Variants in AHNAK observed in about 807,000 individuals in gnomAD.
The protein encoded by AHNAK is AHNAK nucleoprotein.
In AHNAK, 23 loss-of-function variants were observed where a neutral mutation model predicts 37.8. The ratio of observed to expected loss-of-function variants is 0.61; its 90% CI spans 0.44 to 0.86. The LOEUF (loss-of-function observed/expected upper bound fraction) is 0.86. Among genes scored for constraint, AHNAK ranks in the 40% least tolerant of loss-of-function variants. AHNAK has a pLI of 0.00. For synonymous variants in AHNAK, 2,481 were observed against 2,636.3 expected, an observed-to-expected ratio of 0.94 and a Z score of 1.80; for missense variants, 7,411 against 7,319.4, an observed-to-expected ratio of 1.01 and a Z score of -0.46.
chr11:62,441,885 G>A (rs1016566773), intron 5 of AHNAK, among the ~76,000 whole-genome samples: 17 of 152,032 alleles, frequency 1.1e-4, no homozygotes, highest in Admixed American at 2.6e-4. Context: ...AGCCACTGTC[G>A]TCCTCCCCTG....
Position 62,527,440 on chromosome 11 carries a change from A to G in AHNAK, c.6977T>C (p.Ile2326Thr). The G allele has an allele frequency of 6.2e-7, 1 of 1,614,022 alleles. No homozygotes were observed. Among genetic ancestry groups the G allele is most frequent in the Non-Finnish European group, 8.5e-7 (1 of 1,179,978 alleles). The change falls in exon 5 of 5, where the codon ATC (isoleucine) becomes ACC (threonine). Residue 2326 changes from isoleucine to threonine, a missense_variant. Coordinates refer to ENST00000378024, the MANE Select transcript of AHNAK (RefSeq NM_001620.3). ...GGCAGAAACATCAACATCTCCTTTGATTTTGGGTCCCTTTAAATTGAAATC... is the reference window on the plus strand; with the variant it reads ...GGCAGAAACATCAACATCTCCTTTGGTTTTGGGTCCCTTTAAATTGAAATC... The part of the protein sequence containing the change: ...DVDFNLKGPK[I>T]KGDVDVSAPK...
chr11:62,500,736 G>A (rs1457920442), intron 4 of AHNAK, among the ~76,000 whole-genome samples: 1 of 152,110 alleles, frequency 6.6e-6, no homozygotes, highest in Non-Finnish European at 1.5e-5. Context: ...ACTTTACATA[G>A]TAAATAATCC....
At chr11:62,484,599 G>A (rs999360253) in intron 5 of AHNAK, among the ~76,000 whole-genome samples, 3 of 152,110 alleles carry the variant, frequency 2.0e-5, no homozygotes, top group Admixed American at 2.0e-4. Flanking sequence ...ACAGCAAGGA[G>A]CCCCTGTGGC....
chr11:62,455,800 G>T (rs1328674771), intron 5 of AHNAK, among the ~76,000 whole-genome samples: 1 of 150,832 alleles, frequency 6.6e-6, no homozygotes, highest in Non-Finnish European at 1.5e-5. Context: ...GGGAGGCGGA[G>T]GTTGCAGTGA....
intron 1 of AHNAK, among the ~76,000 whole-genome samples, chr11:62,545,257 C>T (rs1941270217): frequency 1.3e-5 from 2 of 152,254 alleles, no homozygotes; most frequent in African/African-American, 2.4e-5. Context: ...TCGCACACAA[C>T]CCTCAGTGGC....
In AHNAK at chr11:62,532,000, A is replaced by C. The variant is rs769814715; in HGVS notation, c.2417T>G (p.Phe806Cys). The change falls in exon 5 of 5, where the codon TTT (phenylalanine) becomes TGT (cysteine). Residue 806 changes from phenylalanine (F) to cysteine (C), a missense_variant. Physicochemically the swap from Phe to Cys is radical, Grantham distance 205. Transcript: ENST00000378024. ...EPEGKLKGPKFKMPEMNIKVP... is the reference protein window; with the variant it reads ...EPEGKLKGPKCKMPEMNIKVP... ...TTTGATGTTCATCTCAGGCATCTTA[A>C]ACTTGGGCCCTTTCAATTTCCCTTC... The C allele has an allele frequency of 1.2e-6, 2 of 1,613,798 alleles. No individual in the cohort carries two copies. The highest frequency in any genetic ancestry group is 2.7e-5 in the African/African-American group (2 of 74,760).
chr11:62,434,003 C>T (rs1938107209), intron 5 of AHNAK: 2 of 1,325,952 alleles, frequency 1.5e-6, no homozygotes, highest in African/African-American at 1.5e-5. Flanking sequence ...CCCCCCACTC[C>T]TTGCTAGGGC....
intron 5 of AHNAK, among the ~76,000 whole-genome samples, chr11:62,439,357 A>G (rs74572665): frequency 6.6e-6 from 1 of 150,988 alleles, no homozygotes; most frequent in Non-Finnish European, 1.5e-5. Flanking sequence ...CGGCCTCCCA[A>G]AGTGCTGGGA....
At chr11:62,445,382 G>C (rs1236995207) in intron 5 of AHNAK, among the ~76,000 whole-genome samples, 1 of 152,082 alleles carries the variant, frequency 6.6e-6, no homozygotes, top group Non-Finnish European at 1.5e-5. Flanking sequence ...GTGGAATACT[G>C]AGCTCATATA....
chr11:62,533,811 C>A lies in AHNAK; in HGVS notation c.606G>T (p.Gly202=). 2.5e-6 allele frequency: 4 copies of A among 1,614,130 alleles called. No homozygotes were observed. Among genetic ancestry groups the A allele is most frequent in the Non-Finnish European group, 3.4e-6 (4 of 1,180,004 alleles). ...ISNVDVETQS[G]KTVIRLPSGS... ...CCGAGGGCAGTCTGATCACGGTCTT[C>A]CCAGACTGGGTCTCCACATCCACAT... The change falls in exon 5 of 5, where the codon GGG becomes GGT. Residue 202 remains glycine, a synonymous_variant. Transcript: ENST00000378024.
At chr11:62,443,524 G>C (rs544598616) in intron 5 of AHNAK, among the ~76,000 whole-genome samples, 1 of 151,934 alleles carries the variant, frequency 6.6e-6, no homozygotes, top group Non-Finnish European at 1.5e-5. Context: ...TGCCTGCCTC[G>C]GCCTCCCCAA....
At chr11:62,433,880 G>A (rs749434396) in exon 6 of AHNAK, 10 of 1,613,542 alleles carry the variant, frequency 6.2e-6, no homozygotes, top group Admixed American at 3.3e-5. Flanking sequence ...CTTCCTGGCC[G>A]CTTCTACAGT....
intron 4 of AHNAK, among the ~76,000 whole-genome samples, chr11:62,495,164 C>A (rs941633166): frequency 1.7e-4 from 26 of 152,070 alleles, no homozygotes; most frequent in African/African-American, 6.3e-4. Context: ...GAGACCACCT[C>A]CCCCAACCCG....
chr11:62,492,814 G>T (rs1939525920), intron 4 of AHNAK, among the ~76,000 whole-genome samples: 4 of 149,990 alleles, frequency 2.7e-5, no homozygotes, highest in African/African-American at 7.6e-5. Context: ...GGAGGTCAAG[G>T]CTACAGTGAG....
chr11:62,451,940 T>C (rs1938547528), intron 5 of AHNAK, among the ~76,000 whole-genome samples: 1 of 151,112 alleles, frequency 6.6e-6, no homozygotes, highest in African/African-American at 2.4e-5. Context: ...CCCGAGTATC[T>C]GGGATTACAG....
rs778180805 is a variant in AHNAK at position 62,529,179 on chromosome 11, G to A, written c.5238C>T (p.Pro1746=). The A allele has an allele frequency of 1.9e-6, 3 of 1,614,026 alleles. No individual in the cohort carries two copies. In the African/African-American group the frequency reaches 4.0e-5, roughly 22 times the overall value. Residue 1746 remains proline (P), a synonymous_variant, in exon 5 of 5, where the codon CCC becomes CCT. Transcript: ENST00000378024. ...LPKADIDVSG[P]SVDTDAPDLD... ...AATCAGGAGCATCAGTGTCCACACT[G>A]GGTCCAGACACATCAATGTCAGCCT...
Position 62,532,275 on chromosome 11 carries a change from C to T in AHNAK, c.2142G>A (p.Glu714=), listed in dbSNP as rs766941882. 2 of 1,613,418 alleles carry T rather than the reference C, an allele frequency of 1.2e-6. No homozygotes were observed. The highest frequency in any genetic ancestry group is 1.3e-5 in the African/African-American group (1 of 74,654). The change falls in exon 5 of 5, where the codon GAG becomes GAA. Residue 714 remains glutamate (E), a synonymous_variant. Transcript: ENST00000378024. ...LHVKGTKVKG[E]YDVTVPKLEG... ...CCAGCTTTGGTACAGTTACATCATACTCTCCCTTCACCTTTGTACCTTTCA... is the reference window on the plus strand; with the variant it reads ...CCAGCTTTGGTACAGTTACATCATATTCTCCCTTCACCTTTGTACCTTTCA...
At chr11:62,491,840 G>GA (rs1433089485) in intron 4 of AHNAK, 1 of 1,605,980 alleles carries the variant, frequency 6.2e-7, no homozygotes, top group Non-Finnish European at 8.5e-7. Context: ...TTCTAACAAG[G>GA]ATAAAGATTA....
intron 4 of AHNAK, among the ~76,000 whole-genome samples, chr11:62,498,817 C>G (rs756886612): frequency 7.2e-5 from 11 of 152,024 alleles, no homozygotes; most frequent in Non-Finnish European, 1.5e-4. Context: ...ATAAATAGAT[C>G]TTTGGAAATG....
Sources: gnomAD v4.1 joint callset for allele counts (sites outside exome capture counted in the v4.1 genomes callset) on GRCh38, gnomAD v4.1.1 for gene constraint, MANE v1.5 for transcripts, NCBI Gene and HGNC (gene_info 2026-07-23, HGNC 2026-07-21) for gene names.